Variants in ERICH6B observed in about 807,000 individuals in gnomAD.
ERICH6B encodes the protein glutamate-rich protein 6B.
ERICH6B carries 69 observed loss-of-function variants against 80.0 expected under a neutral mutation model. The observed-to-expected ratio is 0.86, with a 90% CI of 0.71 to 1.05. The LOEUF is 1.05. ERICH6B is among the 50% of genes least tolerant of loss of function. The pLI is 0.00. For missense variants in ERICH6B, 754 were observed against 796.1 expected (o/e 0.95, Z 0.64); for synonymous variants, 283 against 291.9 (o/e 0.97, Z 0.31).
intron 1 of ERICH6B, among the ~76,000 whole-genome samples, chr13:45,610,752 A>C (rs1949894837): frequency 1.3e-5 from 2 of 152,118 alleles, no homozygotes; most frequent in Admixed American, 6.6e-5. Flanking sequence ...ATAGAAAAGG[A>C]AGAGTGAAAA....
chr13:45,598,071 C>T (rs879466389), intron 2 of ERICH6B, among the ~76,000 whole-genome samples: 3 of 152,218 alleles, frequency 2.0e-5, no homozygotes, highest in Non-Finnish European at 4.4e-5. Context: ...TATGATGTCA[C>T]CTCCGTTCCA....
intron 7 of ERICH6B, among the ~76,000 whole-genome samples, chr13:45,579,593 A>T (rs369392342): frequency 1.3e-5 from 2 of 152,172 alleles, no homozygotes; most frequent in Non-Finnish European, 2.9e-5. Context: ...CCCTGAGTCT[A>T]TCTGGGGAGG....
intron 11 of ERICH6B, among the ~76,000 whole-genome samples, chr13:45,556,700 C>T (rs1343052774): frequency 6.6e-6 from 1 of 152,106 alleles, no homozygotes; most frequent in African/African-American, 2.4e-5. Flanking sequence ...AGTCTCCAAT[C>T]CCAACCAGGT....
chr13:45,583,905 T>C (rs2138005614), intron 5 of ERICH6B, among the ~76,000 whole-genome samples: 1 of 152,316 alleles, frequency 6.6e-6, no homozygotes, highest in South Asian at 2.1e-4. Flanking sequence ...GAAAACAGAC[T>C]AATACACCAT....
chr13:45,602,425 A>G (rs1949832632), intron 2 of ERICH6B, among the ~76,000 whole-genome samples: 1 of 152,180 alleles, frequency 6.6e-6, no homozygotes, highest in African/African-American at 2.4e-5. Context: ...CAATTTCCAG[A>G]CAGCTGCAGT....
intron 2 of ERICH6B, among the ~76,000 whole-genome samples, chr13:45,605,164 C>T (rs1474826971): frequency 6.6e-6 from 1 of 152,168 alleles, no homozygotes; most frequent in African/African-American, 2.4e-5. Flanking sequence ...TCAAGGTGTC[C>T]TCCCATCTCT....
At chr13:45,544,717 G>A (rs1322275967) in intron 14 of ERICH6B, 43 bp downstream of exon 14, 65 of 1,516,820 alleles carry the variant, frequency 4.3e-5, no homozygotes, top group Non-Finnish European at 5.3e-5. Flanking sequence ...TTGTACAGGT[G>A]GGCACCCCAC....
chr13:45,556,032 T>C, intron 11 of ERICH6B, among the ~76,000 whole-genome samples: 1 of 150,292 alleles, frequency 6.7e-6, no homozygotes, highest in Non-Finnish European at 1.5e-5. Context: ...ATGCCTAGGC[T>C]CAAATGGTAC....
At chr13:45,566,394 G>T (rs1427585462) in intron 9 of ERICH6B, among the ~76,000 whole-genome samples, 1 of 152,238 alleles carries the variant, frequency 6.6e-6, no homozygotes, top group Non-Finnish European at 1.5e-5. Context: ...GGTGTCAGAG[G>T]TCTTCACAGC....
chr13:45,544,037 G>A lies in ERICH6B; in HGVS notation c.1872+723C>T, dbSNP rs1165803112. On this transcript the variant is annotated intron_variant, in intron 14 of 14. Coordinates refer to ENST00000298738, the MANE Select transcript of ERICH6B (RefSeq NM_182542.3). ...CCCAAGTAGCTGGGGCTACAGGTGC[G>A]AGAGCCACCATGCCCAGTTAATTTT... Among the ~76,000 whole-genome samples, 5 of 152,234 alleles carry A rather than the reference G, an allele frequency of 3.3e-5. No individual in the cohort carries two copies. The South Asian group carries it at 8.3e-4, about 25-fold the overall frequency.
chr13:45,562,019 A>G (rs1381315593), intron 10 of ERICH6B, among the ~76,000 whole-genome samples: 2 of 152,268 alleles, frequency 1.3e-5, no homozygotes, highest in Non-Finnish European at 2.9e-5. Context: ...TACAGGTCTG[A>G]TGATTGGGCT....
intron 3 of ERICH6B, among the ~76,000 whole-genome samples, chr13:45,595,859 G>T (rs1876347033): frequency 6.6e-6 from 1 of 151,890 alleles, no homozygotes. Flanking sequence ...TGCCCAGGCT[G>T]GTCTCAAACT....
At chr13:45,560,443 G>C (rs1874623351) in intron 11 of ERICH6B, among the ~76,000 whole-genome samples, 1 of 152,096 alleles carries the variant, frequency 6.6e-6, no homozygotes, top group South Asian at 2.1e-4. Context: ...TGTTATAATT[G>C]GTGAACCTAC....
At chr13:45,579,490 A>G (rs896910319) in intron 7 of ERICH6B, among the ~76,000 whole-genome samples, 1 of 151,968 alleles carries the variant, frequency 6.6e-6, no homozygotes. Flanking sequence ...CCCTCGTAGG[A>G]TTCAACCAGC....
In ERICH6B at chr13:45,567,173, C is replaced by T. The variant is rs143404499; in HGVS notation, c.1187+1142G>A. Among the ~76,000 whole-genome samples the T allele has an allele frequency of 7.3e-3, 1,116 of 152,332 alleles. 10 individuals are homozygous for T. Among genetic ancestry groups the T allele is most frequent in the African/African-American group, 0.025 (1,039 of 41,558 alleles). On this transcript the variant is annotated intron_variant, in intron 9 of 14. Transcript: ENST00000298738. ...TATTCATCCAATGCCTGTACGCCCA[C>T]TGTATCTAGGAAGTAACTAACTTGC...
At chr13:45,544,111 G>A (rs973531952) in intron 14 of ERICH6B, among the ~76,000 whole-genome samples, 7 of 152,062 alleles carry the variant, frequency 4.6e-5, no homozygotes, top group Non-Finnish European at 1.5e-5. Context: ...TGGCTCTGTC[G>A]CCCAGGCTGA....
At chr13:45,584,955 A>AGG (rs1221389851) in intron 5 of ERICH6B, among the ~76,000 whole-genome samples, 1 of 151,730 alleles carries the variant, frequency 6.6e-6, no homozygotes, top group Non-Finnish European at 1.5e-5. Flanking sequence ...CCTCCTCCTG[A>AGG]CTGGGTTTTG....
chr13:45,606,503 G>GTA (rs1168252497), intron 2 of ERICH6B, among the ~76,000 whole-genome samples: 5 of 32,770 alleles, frequency 1.5e-4, no homozygotes, highest in African/African-American at 8.3e-4. Context: ...AAAAGTGTAT[G>GTA]TGTATATATA....
At chr13:45,554,969 G>A (rs1310217477) in intron 11 of ERICH6B, among the ~76,000 whole-genome samples, 11 of 152,150 alleles carry the variant, frequency 7.2e-5, no homozygotes, top group Admixed American at 7.2e-4. Context: ...ACACCTCATG[G>A]GTGCTTGGTG....
Sources: gnomAD v4.1 joint callset for allele counts (sites outside exome capture counted in the v4.1 genomes callset) on GRCh38, gnomAD v4.1.1 for gene constraint, MANE v1.5 for transcripts, NCBI Gene and HGNC (gene_info 2026-07-23, HGNC 2026-07-21) for gene names.